PTPRD: variants seen among roughly 807,000 people sequenced by gnomAD.
The protein encoded by PTPRD is receptor-type tyrosine-protein phosphatase delta.
PTPRD carries 34 observed loss-of-function variants against 214.5 expected under a neutral mutation model. The ratio of observed to expected loss-of-function variants is 0.16; its 90% confidence interval spans 0.12 to 0.21. The LOEUF is 0.21. PTPRD is among the 10% of genes least tolerant of loss of function. PTPRD has a pLI of 1.00. For missense variants in PTPRD, 2,545 were observed against 2,398.7 expected (o/e 1.06, Z -1.27); for synonymous variants, 1,128 against 845.7 (o/e 1.33, Z -5.79).
rs1048771104 is a variant in PTPRD, at chr9:10,420,270, C to T, written c.-599-79253G>A. Among the ~76,000 whole-genome samples, 7 of 151,554 alleles carry T rather than the reference C, an allele frequency of 4.6e-5. No individual in the cohort carries two copies. In the East Asian group the frequency reaches 1.2e-3, roughly 25 times the overall value. ...TTGAGTTTACTCTGAGAATTTATTC[C>T]CTCTTAATTTTTGGATGAACAACAG... On this transcript the variant is annotated intron_variant, in intron 2 of 45. Coordinates refer to ENST00000381196, the MANE Select transcript of PTPRD (RefSeq NM_002839.4).
At chr9:9,768,850 G>A (rs555550985) in intron 5 of PTPRD, among the ~76,000 whole-genome samples, 2 of 152,272 alleles carry the variant, frequency 1.3e-5, no homozygotes, top group South Asian at 2.1e-4. Context: ...TGGTACGAAC[G>A]TAATCAGGGT....
chr9:8,760,702 T>C (rs551422975), intron 11 of PTPRD, among the ~76,000 whole-genome samples: 4 of 152,136 alleles, frequency 2.6e-5, no homozygotes, highest in African/African-American at 7.2e-5. Flanking sequence ...TGATTCTTAA[T>C]GGGAATGTAT....
chr9:9,631,475 C>T (rs1282832448), intron 7 of PTPRD, among the ~76,000 whole-genome samples: 5 of 152,220 alleles, frequency 3.3e-5, no homozygotes, highest in Admixed American at 2.6e-4. Flanking sequence ...TTTCTTGGTT[C>T]ACTGAGTTTT....
intron 9 of PTPRD, among the ~76,000 whole-genome samples, chr9:9,287,633 A>C (rs1320043213): frequency 6.6e-6 from 1 of 151,956 alleles, no homozygotes; most frequent in Non-Finnish European, 1.5e-5. Flanking sequence ...CATAAATCAT[A>C]CTAATGAAAT....
At chr9:10,455,453 A>G (rs1280640985) in intron 2 of PTPRD, among the ~76,000 whole-genome samples, 1 of 151,716 alleles carries the variant, frequency 6.6e-6, no homozygotes, top group Non-Finnish European at 1.5e-5. Context: ...CTATCCTTTA[A>G]GTCATACTTA....
At chr9:8,437,306 A>T in intron 34 of PTPRD, 1 of 1,238,218 alleles carries the variant, frequency 8.1e-7, no homozygotes, top group Non-Finnish European at 1.1e-6. Context: ...AATGAAATGG[A>T]AAGCCTGATA....
intron 9 of PTPRD, among the ~76,000 whole-genome samples, chr9:9,216,004 T>C (rs1428464378): frequency 6.6e-5 from 10 of 152,254 alleles, no homozygotes; most frequent in Admixed American, 5.9e-4. Flanking sequence ...TGTATAAACA[T>C]TGGCAGTACT....
rs1321259630 is a variant in PTPRD at position 8,316,439 on chromosome 9, C to CATGA, written c.*1431_*1434dup. The CATGA allele has an allele frequency of 4.3e-6, 1 of 230,778 alleles. No homozygotes were observed. Among genetic ancestry groups the CATGA allele is most frequent in the Non-Finnish European group, 8.6e-6 (1 of 116,368 alleles). 14.3% of individuals were successfully genotyped at this position (230,778 alleles called of 1,614,324 possible). On this transcript the variant is annotated 3_prime_UTR_variant, in exon 46 of 46. Coordinates refer to ENST00000381196, the MANE Select transcript of PTPRD (RefSeq NM_002839.4). ...AAATGTTTCTGACTGAACAGAGTAA[C>CATGA]ATGAATTTGGCTTTGCCCCTGTTAC...
intron 9 of PTPRD, among the ~76,000 whole-genome samples, chr9:9,220,481 T>G (rs1012130874): frequency 1.3e-5 from 2 of 152,070 alleles, no homozygotes; most frequent in Admixed American, 6.6e-5. Flanking sequence ...TTTGCCTCCT[T>G]TGTGCATTGG....
chr9:9,067,427 C>A (rs1368153469), intron 10 of PTPRD, among the ~76,000 whole-genome samples: 1 of 152,040 alleles, frequency 6.6e-6, no homozygotes, highest in Non-Finnish European at 1.5e-5. Context: ...GCTTATTTTT[C>A]ACATTGTGTG....
At chr9:9,768,895 G>C (rs2098728344) in intron 5 of PTPRD, among the ~76,000 whole-genome samples, 1 of 152,176 alleles carries the variant, frequency 6.6e-6, no homozygotes, top group African/African-American at 2.4e-5. Flanking sequence ...ACTTCAGTTT[G>C]TAACATGCAC....
At chr9:8,391,231 T>G (rs1283732954) in intron 36 of PTPRD, among the ~76,000 whole-genome samples, 2 of 152,190 alleles carry the variant, frequency 1.3e-5, no homozygotes, top group African/African-American at 2.4e-5. Flanking sequence ...ACTGCTTTTC[T>G]GATTCCGGTT....
intron 5 of PTPRD, among the ~76,000 whole-genome samples, chr9:9,863,058 T>G (rs995125161): frequency 1.3e-5 from 2 of 152,230 alleles, no homozygotes; most frequent in African/African-American, 4.8e-5. Context: ...TTTTAAATTT[T>G]ACTCATTCAA....
At chr9:9,690,174 T>A (rs2097243275) in intron 7 of PTPRD, among the ~76,000 whole-genome samples, 1 of 151,876 alleles carries the variant, frequency 6.6e-6, no homozygotes, top group Admixed American at 6.6e-5. Flanking sequence ...TCTTTGGATA[T>A]AAGCCATTTT....
At chr9:9,842,880 A>G (rs933541275) in intron 5 of PTPRD, among the ~76,000 whole-genome samples, 3 of 152,026 alleles carry the variant, frequency 2.0e-5, no homozygotes, top group African/African-American at 4.8e-5. Context: ...GAACAGTAGT[A>G]CTTGTGATAT....
At position 8,751,833 on chromosome 9, in the gene PTPRD, C is replaced by T. The variant is rs149031732; in HGVS notation, c.-103-17887G>A. Among the ~76,000 whole-genome samples the T allele has an allele frequency of 9.3e-4, 141 of 152,230 alleles. No individual in the cohort carries two copies. The Middle Eastern group carries it at 0.014, about 15-fold the overall frequency. Reference sequence around the variant, plus strand: ...TCTGTCTTAAAAATGCATTATAAAACGAGACAGTTTGTTATATGGAGGGTG... The same window carrying T: ...TCTGTCTTAAAAATGCATTATAAAATGAGACAGTTTGTTATATGGAGGGTG... On this transcript the variant is annotated intron_variant, in intron 11 of 45. Coordinates refer to ENST00000381196, the MANE Select transcript of PTPRD (RefSeq NM_002839.4).
chr9:8,375,145 T>A (rs1405281770), intron 39 of PTPRD, among the ~76,000 whole-genome samples: 1 of 151,962 alleles, frequency 6.6e-6, no homozygotes, highest in African/African-American at 2.4e-5. Context: ...CACTATACAT[T>A]TATATAGTAA....
intron 18 of PTPRD, 155 bp downstream of exon 18, chr9:8,524,770 A>C: frequency 1.3e-6 from 1 of 770,932 alleles, no homozygotes; most frequent in East Asian, 2.4e-5. Flanking sequence ...ACACATTTTA[A>C]ATTTTTAACT....
intron 2 of PTPRD, among the ~76,000 whole-genome samples, chr9:10,449,559 T>A (rs112798650): frequency 6.8e-6 from 1 of 147,174 alleles, no homozygotes; most frequent in African/African-American, 2.6e-5. Context: ...GTGAGGAGCG[T>A]CTCTGCCCGG....
Sources: allele counts gnomAD v4.1 joint callset (sites outside exome capture counted in the v4.1 genomes callset), GRCh38; gene constraint gnomAD v4.1.1; transcripts MANE v1.5; gene names NCBI Gene and HGNC (gene_info 2026-07-23, HGNC 2026-07-21).